PCSK5: variants seen among roughly 807,000 people sequenced by gnomAD.
PCSK5 encodes the protein prohormone convertase 5.
A neutral mutation model predicts 233.2 loss-of-function variants in PCSK5; 129 were observed. The ratio of observed to expected loss-of-function variants is 0.55; its 90% CI spans 0.48 to 0.64. The LOEUF is 0.64. Ranked by LOEUF, PCSK5 falls within the 30% of genes least tolerant of loss-of-function variation. The pLI, the probability that PCSK5 is intolerant of heterozygous loss-of-function variation, is 0.00. For synonymous variants in PCSK5, 825 were observed against 879.2 expected, an observed-to-expected ratio of 0.94 and a Z score of 1.09; for missense variants, 2,076 against 2,430.1, an observed-to-expected ratio of 0.85 and a Z score of 3.06.
intron 30 of PCSK5, among the ~76,000 whole-genome samples, chr9:76,320,986 T>C (rs975110742): frequency 7.9e-5 from 12 of 151,892 alleles, no homozygotes; most frequent in Non-Finnish European, 2.9e-5. Flanking sequence ...AGCTAATTTT[T>C]GTATTTTTTA....
intron 9 of PCSK5, among the ~76,000 whole-genome samples, chr9:76,129,173 G>A (rs1339241): frequency 0.49 from 74,259 of 151,860 alleles, 18,398 homozygotes; most frequent in Admixed American, 0.52. Context: ...ATCTGTTCCC[G>A]TAACTGCCGA....
intron 3 of PCSK5, among the ~76,000 whole-genome samples, chr9:75,999,015 A>G (rs1351735060): frequency 2.0e-5 from 3 of 152,198 alleles, no homozygotes; most frequent in Non-Finnish European, 2.9e-5. Flanking sequence ...GGCTCCAAAT[A>G]AGGCTTATAC....
intron 1 of PCSK5, among the ~76,000 whole-genome samples, chr9:75,907,190 T>C (rs1826296366): frequency 6.6e-6 from 1 of 152,146 alleles, no homozygotes; most frequent in African/African-American, 2.4e-5. Flanking sequence ...GTTAAGTTTG[T>C]CCTTTTTTTT....
chr9:76,159,220 G>A (rs376102967), intron 12 of PCSK5, 49 bp downstream of exon 12: 59 of 1,542,488 alleles, frequency 3.8e-5, no homozygotes, highest in African/African-American at 3.3e-4. Context: ...AGCGACACTC[G>A]GCTATTCCTT....
rs1426709792 is a variant in PCSK5, at chr9:76,121,831, T to TCTTC, written c.1209-12278_1209-12277insCTTC. Among the ~76,000 whole-genome samples, 46 of 21,770 alleles carry TCTTC rather than the reference T, an allele frequency of 2.1e-3. 2 individuals are homozygous for TCTTC. The highest frequency in any genetic ancestry group is 2.9e-3 in the African/African-American group (13 of 4,450). The allele number at this position is 21,770 out of a possible 152,430, so 14.3% of individuals were successfully genotyped here. A position where few individuals can be genotyped will look rare whatever the true frequency, so the allele number is the denominator to read the frequency against. On this transcript the variant is annotated intron_variant, in intron 9 of 37. Coordinates refer to ENST00000674117, the MANE Select transcript of PCSK5 (RefSeq NM_001372043.1). The stretch of plus-strand genomic sequence containing the variant: ...TTGTATTGGTTTTTTTTTTTTTTTT[T>TCTTC]TTTTTTTTTTGAGACGGAGTCTCGC...
At chr9:76,356,567 T>C (rs1373934876) in intron 37 of PCSK5, among the ~76,000 whole-genome samples, 4 of 152,234 alleles carry the variant, frequency 2.6e-5, no homozygotes, top group African/African-American at 9.6e-5. Flanking sequence ...TCCAATGCTT[T>C]AATGTTTTCT....
In PCSK5 at chr9:76,117,083, CT is replaced by C. The variant is rs768424881; in HGVS notation, c.1208+9741del. On this transcript the variant is annotated intron_variant, in intron 9 of 37. Coordinates refer to ENST00000674117, the MANE Select transcript of PCSK5 (RefSeq NM_001372043.1). ...CATAATTTCCTTATTTTGAAACAAA[CT>C]TTTTTTTTCACATTTCTGAACCTGT... Among the ~76,000 whole-genome samples the C allele has an allele frequency of 2.2e-3, 330 of 151,678 alleles. 9 individuals are homozygous for C. The East Asian group carries it at 0.048, about 22-fold the overall frequency.
rs1482805935 is a variant in PCSK5 at position 76,359,468 on chromosome 9, G to C, written c.*546G>C. ...AGAGGGCTCTTATCAATTGACTCCA[G>C]GCCACCCCTGGTGAGCAGAAGAGAC... On this transcript the variant is annotated 3_prime_UTR_variant, in exon 38 of 38. Transcript: ENST00000674117. 6.3e-6 allele frequency: 1 copy of C among 159,010 alleles called. No homozygotes were observed. The highest frequency in any genetic ancestry group is 1.4e-5 in the Non-Finnish European group (1 of 71,934). 9.8% of individuals were successfully genotyped at this position (159,010 alleles called of 1,614,324 possible). A position where few individuals can be genotyped will look rare whatever the true frequency, so the allele number is the denominator to read the frequency against.
chr9:76,035,784 T>C (rs1828835980), intron 5 of PCSK5, among the ~76,000 whole-genome samples: 1 of 152,182 alleles, frequency 6.6e-6, no homozygotes. Flanking sequence ...TCTTGCATCC[T>C]TATATTTTCT....
At position 76,233,606 on chromosome 9, in the gene PCSK5, T is replaced by G. The variant is rs1364426334; in HGVS notation, c.2866+10T>G. 2 of 1,607,142 alleles carry G rather than the reference T, an allele frequency of 1.2e-6. No individual in the cohort carries two copies. The highest frequency in any genetic ancestry group is 1.7e-6 in the Non-Finnish European group (2 of 1,178,762). The stretch of plus-strand genomic sequence containing the variant: ...ACCTCCTGTGGAGCAGGTGAGAGAC[T>G]GCTGCTCCTCCGTCTTCTGCACCCC... On this transcript the variant is annotated intron_variant, in intron 22 of 37. Coordinates refer to ENST00000674117, the MANE Select transcript of PCSK5 (RefSeq NM_001372043.1).
At chr9:76,105,095 C>T (rs1228647932) in intron 8 of PCSK5, among the ~76,000 whole-genome samples, 1 of 152,210 alleles carries the variant, frequency 6.6e-6, no homozygotes, top group Non-Finnish European at 1.5e-5. Context: ...CCCCCATGTG[C>T]ATGTTCAGCC....
At chr9:76,179,465 A>G (rs545994914) in intron 14 of PCSK5, 131 bp from the exon 15 acceptor site, 5 of 607,000 alleles carry the variant, frequency 8.2e-6, no homozygotes, top group East Asian at 3.0e-5. Flanking sequence ...CACATTGACA[A>G]TTATTCCTCT....
At chr9:75,997,399 A>G (rs911581914) in intron 3 of PCSK5, among the ~76,000 whole-genome samples, 2 of 152,214 alleles carry the variant, frequency 1.3e-5, no homozygotes, top group South Asian at 2.1e-4. Flanking sequence ...CTGGGGAGAA[A>G]GTATTAACCA....
At chr9:76,139,054 T>TTAATAA (rs1823094176) in intron 10 of PCSK5, among the ~76,000 whole-genome samples, 6 of 152,260 alleles carry the variant, frequency 3.9e-5, no homozygotes, top group Middle Eastern at 3.4e-3. Flanking sequence ...CTCCGAGGCC[T>TTAATAA]TAACTTTTAA....
At chr9:76,037,864 A>G (rs1193759369) in intron 5 of PCSK5, among the ~76,000 whole-genome samples, 2 of 152,138 alleles carry the variant, frequency 1.3e-5, no homozygotes, top group African/African-American at 4.8e-5. Flanking sequence ...ATCCCCGCCA[A>G]TTCTCCTGCA....
intron 37 of PCSK5, among the ~76,000 whole-genome samples, chr9:76,355,247 C>T (rs374951641): frequency 2.0e-5 from 3 of 152,088 alleles, no homozygotes; most frequent in Admixed American, 6.5e-5. Flanking sequence ...CCAAGGAGGG[C>T]GGATCACAAG....
chr9:76,095,742 T>A, intron 7 of PCSK5, 148 bp from the exon 8 acceptor site: 1 of 656,950 alleles, frequency 1.5e-6, no homozygotes, highest in Non-Finnish European at 2.7e-6. Context: ...CCAACGCCTC[T>A]TACTCCACTC....
intron 25 of PCSK5, among the ~76,000 whole-genome samples, chr9:76,293,966 G>A (rs747697587): frequency 1.3e-5 from 2 of 152,216 alleles, no homozygotes. Context: ...GGAGGCCAAG[G>A]TGGGTGGATC....
chr9:76,173,495 CCTTTTTTTTTTTT>C (rs1277025220), intron 13 of PCSK5, among the ~76,000 whole-genome samples: 2 of 34,600 alleles, frequency 5.8e-5, no homozygotes, highest in East Asian at 1.8e-3. Flanking sequence ...AGGCACGTTT[CCTTTTTTTTTTTT>C]TTTTTTTTTT....
Sources: gnomAD v4.1 joint callset for allele counts (sites outside exome capture counted in the v4.1 genomes callset) on GRCh38, gnomAD v4.1.1 for gene constraint, MANE v1.5 for transcripts, NCBI Gene and HGNC (gene_info 2026-07-23, HGNC 2026-07-21) for gene names.